Variants in BAZ2B observed in about 807,000 individuals in gnomAD.
BAZ2B encodes bromodomain adjacent to zinc finger domain 2B, also known as bromodomain adjacent to zinc finger domain protein 2B.
In BAZ2B, 91 loss-of-function variants were observed where a neutral mutation model predicts 246.0. The ratio of observed to expected loss-of-function variants is 0.37; its 90% CI spans 0.31 to 0.44. The LOEUF is 0.44. Ranked by LOEUF, BAZ2B falls within the 20% of genes least tolerant of loss-of-function variation. The probability of loss-of-function intolerance (pLI) is 1.00; values close to 1 mark genes in which losing one functional copy is unlikely to be tolerated. For synonymous variants in BAZ2B, 855 were observed against 860.0 expected, an observed-to-expected ratio of 0.99 and a Z score of 0.10; for missense variants, 2,332 against 2,533.7, an observed-to-expected ratio of 0.92 and a Z score of 1.71.
intron 9 of BAZ2B, among the ~76,000 whole-genome samples, 175 bp from the exon 10 acceptor site, chr2:159,431,331 A>T (rs931317092): frequency 1.7e-4 from 26 of 152,352 alleles, no homozygotes; most frequent in African/African-American, 6.0e-4. Context: ...TTAGGCTATC[A>T]ATCTTCAAAA....
chr2:159,562,381 AAC>A (rs1196021041), intron 1 of BAZ2B, among the ~76,000 whole-genome samples: 1 of 152,148 alleles, frequency 6.6e-6, no homozygotes, highest in Non-Finnish European at 1.5e-5. Context: ...AAATTTAAAA[AAC>A]ACACACACAC....
chr2:159,455,721 C>CAGG (rs1307565243), intron 3 of BAZ2B, among the ~76,000 whole-genome samples: 4 of 139,136 alleles, frequency 2.9e-5, no homozygotes, highest in Non-Finnish European at 4.6e-5. Context: ...ACCCAAATGT[C>CAGG]ATTATCTTTA....
intron 1 of BAZ2B, among the ~76,000 whole-genome samples, chr2:159,602,789 T>C (rs1032833482): frequency 2.6e-5 from 4 of 152,100 alleles, no homozygotes; most frequent in African/African-American, 9.7e-5. Context: ...CAGAAATAAC[T>C]TAGAATAAAA....
the BAZ2B span, among the ~76,000 whole-genome samples, chr2:159,677,881 T>C: frequency 6.6e-5 from 10 of 152,186 alleles, no homozygotes; most frequent in East Asian, 1.9e-4. Flanking sequence ...CAGAAACAAA[T>C]GCTATATTGT....
intron 27 of BAZ2B, among the ~76,000 whole-genome samples, chr2:159,362,211 T>G (rs2059785793): frequency 6.6e-6 from 1 of 152,168 alleles, no homozygotes; most frequent in African/African-American, 2.4e-5. Context: ...AGGGGCTTTC[T>G]TCTTTCCCAC....
chr2:159,592,194 T>A (rs979379149), intron 1 of BAZ2B, among the ~76,000 whole-genome samples: 1 of 152,212 alleles, frequency 6.6e-6, no homozygotes, highest in African/African-American at 2.4e-5. Flanking sequence ...TTCATATAGA[T>A]ATACTGCATA....
chr2:159,535,403 T>C, intron 2 of BAZ2B, among the ~76,000 whole-genome samples: 1 of 149,346 alleles, frequency 6.7e-6, no homozygotes, highest in East Asian at 1.9e-4. Context: ...GTGCCTGTAA[T>C]CCCAGCTACT....
intron 6 of BAZ2B, among the ~76,000 whole-genome samples, chr2:159,441,414 C>T (rs747700298): frequency 5.9e-5 from 9 of 151,944 alleles, no homozygotes; most frequent in Non-Finnish European, 8.8e-5. Flanking sequence ...GAGTCTCTGC[C>T]GAGCATACTT....
the BAZ2B span, among the ~76,000 whole-genome samples, chr2:159,687,168 A>G: frequency 6.6e-6 from 1 of 152,110 alleles, no homozygotes; most frequent in South Asian, 2.1e-4. Context: ...GTGAAAATAG[A>G]GTATTTGGTT....
chr2:159,571,373 A>G (rs960608734), intron 1 of BAZ2B, among the ~76,000 whole-genome samples: 3 of 152,168 alleles, frequency 2.0e-5, no homozygotes, highest in African/African-American at 7.2e-5. Context: ...AATATATAGT[A>G]GATGCTGTGG....
chr2:159,388,192 T>C (rs1307429558), intron 21 of BAZ2B, among the ~76,000 whole-genome samples: 1 of 152,014 alleles, frequency 6.6e-6, no homozygotes, highest in Non-Finnish European at 1.5e-5. Context: ...TGCAAATCAT[T>C]TGAATATTGC....
At chr2:159,693,424 CTT>C in the BAZ2B span, 12 of 125,118 alleles carry the variant, frequency 9.6e-5, no homozygotes, top group Admixed American at 2.7e-4. Context: ...TAAAAATAAA[CTT>C]TTTTTTTTTT....
intron 2 of BAZ2B, chr2:159,536,180 T>C (rs2085957293): frequency 6.6e-6 from 1 of 152,240 alleles, no homozygotes; most frequent in Non-Finnish European, 1.5e-5. Flanking sequence ...TAAGGTAGTT[T>C]TGACCACAAG....
At chr2:159,432,713 C>T in intron 9 of BAZ2B, 44 bp downstream of exon 9, 1 of 1,576,470 alleles carries the variant, frequency 6.3e-7, no homozygotes, top group African/African-American at 1.4e-5. Flanking sequence ...GTTTGGTTCA[C>T]ATAGCATTTA....
At chr2:159,629,062 CAT>C in the BAZ2B span, among the ~76,000 whole-genome samples, 2 of 152,160 alleles carry the variant, frequency 1.3e-5, no homozygotes, top group African/African-American at 2.4e-5. Context: ...AGCAAACAAA[CAT>C]ATGAAAAAAA....
the BAZ2B span, among the ~76,000 whole-genome samples, chr2:159,692,557 C>T: frequency 6.6e-6 from 1 of 151,988 alleles, no homozygotes; most frequent in South Asian, 2.1e-4. Context: ...TTTATTGAAA[C>T]AAGTCTGCAG....
chr2:159,711,153 A>G, the BAZ2B span, among the ~76,000 whole-genome samples: 57 of 152,326 alleles, frequency 3.7e-4, no homozygotes, highest in Non-Finnish European at 6.9e-4. Context: ...CTGGTTCTTC[A>G]GGGTGTATAC....
chr2:159,702,896 T>C, the BAZ2B span, among the ~76,000 whole-genome samples: 6 of 151,546 alleles, frequency 4.0e-5, no homozygotes, highest in African/African-American at 1.4e-4. Context: ...AAAAATTAGC[T>C]GGGCGTGGTG....
intron 2 of BAZ2B, among the ~76,000 whole-genome samples, chr2:159,480,572 G>A (rs906708583): frequency 6.6e-6 from 1 of 151,952 alleles, no homozygotes; most frequent in African/African-American, 2.4e-5. Context: ...GCACAAATAT[G>A]TGTGCGCGTG....
Sources: gnomAD v4.1 joint callset for allele counts (sites outside exome capture counted in the v4.1 genomes callset) on GRCh38, gnomAD v4.1.1 for gene constraint, MANE v1.5 for transcripts, NCBI Gene and HGNC (gene_info 2026-07-23, HGNC 2026-07-21) for gene names.